PRIMA1: variants seen among roughly 807,000 people sequenced by gnomAD.
The protein encoded by PRIMA1 is proline-rich membrane anchor 1.
A neutral mutation model predicts 17.5 loss-of-function variants in PRIMA1; 7 were observed. The ratio of observed to expected loss-of-function variants is 0.40; its 90% CI spans 0.23 to 0.75. The LOEUF (loss-of-function observed/expected upper bound fraction) is 0.75. PRIMA1 is among the 30% of genes least tolerant of loss of function. The probability of loss-of-function intolerance (pLI) is 0.37; values close to 1 mark genes in which losing one functional copy is unlikely to be tolerated. For missense variants in PRIMA1, 200 were observed against 201.8 expected (o/e 0.99, Z 0.05); for synonymous variants, 97 against 77.9 (o/e 1.25, Z -1.29).
chr14:93,751,574 T>C (rs1243281919), intron 3 of PRIMA1, among the ~76,000 whole-genome samples: 2 of 152,180 alleles, frequency 1.3e-5, no homozygotes, highest in Non-Finnish European at 2.9e-5. Context: ...GCATGTGAAC[T>C]TTCCACATTC....
At chr14:93,785,642 C>T (rs376153807) in intron 2 of PRIMA1, among the ~76,000 whole-genome samples, 3 of 152,194 alleles carry the variant, frequency 2.0e-5, no homozygotes, top group African/African-American at 7.2e-5. Context: ...TTTTCCTCTT[C>T]TCTCCTACGT....
At chr14:93,732,214 G>A (rs2141156630) in intron 4 of PRIMA1, among the ~76,000 whole-genome samples, 1 of 152,292 alleles carries the variant, frequency 6.6e-6, no homozygotes, top group Admixed American at 6.5e-5. Flanking sequence ...TGCAGGGGGT[G>A]GGCATCATCT....
chr14:93,773,124 C>T (rs1309778517), intron 3 of PRIMA1, among the ~76,000 whole-genome samples: 1 of 152,196 alleles, frequency 6.6e-6, no homozygotes, highest in African/African-American at 2.4e-5. Context: ...GACCTCAGGT[C>T]TAGAGGGCAG....
chr14:93,757,479 G>A (rs552750549), intron 3 of PRIMA1, among the ~76,000 whole-genome samples: 3 of 152,242 alleles, frequency 2.0e-5, no homozygotes, highest in African/African-American at 7.2e-5. Flanking sequence ...CTGCTTATAA[G>A]GACCAGAATG....
intron 3 of PRIMA1, among the ~76,000 whole-genome samples, chr14:93,763,256 C>T (rs1293036282): frequency 6.6e-6 from 1 of 152,226 alleles, no homozygotes; most frequent in Non-Finnish European, 1.5e-5. Flanking sequence ...GCCTCAGCTT[C>T]CGGCATCCCG....
chr14:93,783,199 C>A (rs1243061030), intron 2 of PRIMA1, among the ~76,000 whole-genome samples: 1 of 152,232 alleles, frequency 6.6e-6, no homozygotes, highest in Non-Finnish European at 1.5e-5. Flanking sequence ...TAATCCTGAA[C>A]AATCATGACT....
chr14:93,740,398 C>T (rs1269330322), intron 3 of PRIMA1, among the ~76,000 whole-genome samples: 1 of 152,194 alleles, frequency 6.6e-6, no homozygotes, highest in African/African-American at 2.4e-5. Context: ...ACCTTCCCTA[C>T]ACTCTGGGAA....
chr14:93,749,047 C>A (rs542789663), intron 3 of PRIMA1, among the ~76,000 whole-genome samples: 1 of 152,212 alleles, frequency 6.6e-6, no homozygotes, highest in East Asian at 1.9e-4. Context: ...GCCCAAATAG[C>A]CCTCTTTGTT....
Position 93,755,511 on chromosome 14 carries a change from T to C in PRIMA1, c.230-18141A>G, listed in dbSNP as rs181087903. Among the ~76,000 whole-genome samples, 93 of 152,082 alleles carry C rather than the reference T, an allele frequency of 6.1e-4. 1 individual carries two copies. Among genetic ancestry groups the C allele is most frequent in the African/African-American group, 2.2e-3 (91 of 41,478 alleles). On this transcript the variant is annotated intron_variant, in intron 3 of 4. Coordinates refer to ENST00000393140, the MANE Select transcript of PRIMA1 (RefSeq NM_178013.4). Reference sequence around the variant, plus strand: ...ACTGAGTAGGAAAACCAGAGCCGAGTAGGAATGGGGTTCTTTGTGGTCTTG... The same window carrying C: ...ACTGAGTAGGAAAACCAGAGCCGAGCAGGAATGGGGTTCTTTGTGGTCTTG...
At chr14:93,771,069 T>C (rs1420097931) in intron 3 of PRIMA1, among the ~76,000 whole-genome samples, 1 of 132,230 alleles carries the variant, frequency 7.6e-6, no homozygotes, top group Non-Finnish European at 1.6e-5. Flanking sequence ...TGTGTGTGTG[T>C]GCATGTATGT....
At chr14:93,786,251 T>C (rs1353283866) in intron 2 of PRIMA1, among the ~76,000 whole-genome samples, 2 of 152,232 alleles carry the variant, frequency 1.3e-5, no homozygotes, top group East Asian at 3.8e-4. Flanking sequence ...TCATGTTTCC[T>C]GAGGAGGCAC....
At chr14:93,751,033 C>T (rs916860858) in intron 3 of PRIMA1, among the ~76,000 whole-genome samples, 1 of 152,226 alleles carries the variant, frequency 6.6e-6, no homozygotes, top group Non-Finnish European at 1.5e-5. Context: ...AGTTTCCCAT[C>T]GTCAAAGGGT....
chr14:93,723,247 G>C (rs904917855), intron 4 of PRIMA1, among the ~76,000 whole-genome samples: 3 of 152,138 alleles, frequency 2.0e-5, no homozygotes, highest in Admixed American at 2.0e-4. Flanking sequence ...GGTTGAGCCC[G>C]GATCTGCCCT....
chr14:93,747,811 G>A lies in PRIMA1; in HGVS notation c.230-10441C>T, dbSNP rs186733471. On this transcript the variant is annotated intron_variant, in intron 3 of 4. Coordinates refer to ENST00000393140, the MANE Select transcript of PRIMA1 (RefSeq NM_178013.4). ...ATGTGAGAGTGTAAGGGGACTGAGT[G>A]TGTGGGAGTGTGATTGTGTGTGAGA... 4.6e-4 allele frequency among the ~76,000 whole-genome samples: 69 copies of A among 150,608 alleles called. 1 individual carries two copies. Among genetic ancestry groups the A allele is most frequent in the Non-Finnish European group, 4.4e-5 (3 of 67,634 alleles).
chr14:93,758,563 C>T (rs1368199999), intron 3 of PRIMA1, among the ~76,000 whole-genome samples: 1 of 140,720 alleles, frequency 7.1e-6, no homozygotes, highest in African/African-American at 2.7e-5. Context: ...TGCACCACTG[C>T]ACTCCAGCGT....
chr14:93,720,713 T>C lies in PRIMA1; in HGVS notation c.*731A>G, dbSNP rs1402439867. ...TTGCCCAGTGGCCCTGGGCTGCGGGTTCAGTGAGTCGTTTTGCCCCCGGAA... is the reference window on the plus strand; with the variant it reads ...TTGCCCAGTGGCCCTGGGCTGCGGGCTCAGTGAGTCGTTTTGCCCCCGGAA... On this transcript the variant is annotated 3_prime_UTR_variant, in exon 5 of 5. Coordinates refer to ENST00000393140, the MANE Select transcript of PRIMA1 (RefSeq NM_178013.4). 1 of 152,680 alleles carries C rather than the reference T, an allele frequency of 6.5e-6. No individual in the cohort carries two copies. Among genetic ancestry groups the C allele is most frequent in the East Asian group, 1.9e-4 (1 of 5,172 alleles). The allele number at this position is 152,680 out of a possible 1,614,324, so 9.5% of individuals were successfully genotyped here.
intron 4 of PRIMA1, among the ~76,000 whole-genome samples, chr14:93,733,176 T>G (rs1220483971): frequency 6.6e-6 from 1 of 152,082 alleles, no homozygotes; most frequent in Non-Finnish European, 1.5e-5. Flanking sequence ...AGTAACACCC[T>G]CCCCGCCCAG....
intron 3 of PRIMA1, among the ~76,000 whole-genome samples, chr14:93,776,065 A>G (rs1885213421): frequency 2.6e-5 from 4 of 152,174 alleles, no homozygotes; most frequent in African/African-American, 9.7e-5. Context: ...TGCCTGTAAG[A>G]ATGATGGAAT....
At chr14:93,761,644 TCTATG>T (rs1320678322) in intron 3 of PRIMA1, among the ~76,000 whole-genome samples, 8 of 152,152 alleles carry the variant, frequency 5.3e-5, no homozygotes, top group Non-Finnish European at 1.0e-4. Context: ...GCATGCCTTC[TCTATG>T]GAAGGTAGGG....
Sources: allele counts gnomAD v4.1 joint callset (sites outside exome capture counted in the v4.1 genomes callset), GRCh38; gene constraint gnomAD v4.1.1; transcripts MANE v1.5; gene names NCBI Gene and HGNC (gene_info 2026-07-23, HGNC 2026-07-21).